The following CDH2 variants were observed in gnomAD, a reference collection of about 807,000 sequenced individuals.
CDH2 encodes cadherin-2.
CDH2 carries 17 observed loss-of-function variants against 92.0 expected under a neutral mutation model. That is an observed-to-expected ratio of 0.18 (90% confidence interval 0.13 to 0.28). The LOEUF (loss-of-function observed/expected upper bound fraction) is 0.28. CDH2 is among the 10% of genes least tolerant of loss of function. CDH2 has a pLI of 1.00. For missense variants in CDH2, 862 were observed against 1,133.1 expected, an observed-to-expected ratio of 0.76 and a Z score of 3.44; for synonymous variants, 419 against 415.9, an observed-to-expected ratio of 1.01 and a Z score of -0.09.
chr18:28,043,890 A>ATTTTTTTTT lies in CDH2; in HGVS notation c.173-29990_173-29982dup, dbSNP rs67532914. On this transcript the variant is annotated intron_variant, in intron 2 of 15. Coordinates refer to ENST00000269141, the MANE Select transcript of CDH2 (RefSeq NM_001792.5). The stretch of plus-strand genomic sequence containing the variant: ...AGTCTCATCTTTCTCAGAATCTCGG[A>ATTTTTTTTT]TTTTTTTTTTTTTTTTTTTTTTTTT... Among the ~76,000 whole-genome samples the ATTTTTTTTT allele has an allele frequency of 2.5e-3, 225 of 91,448 alleles. 23 individuals carry two copies. The highest frequency in any genetic ancestry group is 4.2e-3 in the Non-Finnish European group (195 of 45,996). 60.0% of individuals were successfully genotyped at this position (91,448 alleles called of 152,430 possible).
rs914953945 is a variant in CDH2 at position 28,177,081 on chromosome 18, C to CGGA, written c.-62_-60dup. 289 of 1,052,740 alleles carry CGGA rather than the reference C, an allele frequency of 2.7e-4. No homozygotes were observed. The highest frequency in any genetic ancestry group is 2.0e-3 in the African/African-American group (115 of 57,378). The allele number at this position is 1,052,740 out of a possible 1,614,324, so 65.2% of individuals were successfully genotyped here. A position where few individuals can be genotyped will look rare whatever the true frequency, so the allele number is the denominator to read the frequency against. The stretch of plus-strand genomic sequence containing the variant: ...GAGGCGGCGGCGGCGGCGGCGGCGG[C>CGGA]GGAGGAGGAGGAGGCAGCGGCAGCA... On this transcript the variant is annotated 5_prime_UTR_variant, in exon 1 of 16. Transcript: ENST00000269141.
intron 7 of CDH2, among the ~76,000 whole-genome samples, chr18:27,999,334 G>A (rs2012687793): frequency 1.3e-5 from 2 of 152,060 alleles, no homozygotes; most frequent in Admixed American, 1.3e-4. Context: ...ATCCTATAGG[G>A]CATGGAGAGC....
chr18:28,103,884 C>T (rs2015277968), intron 2 of CDH2, among the ~76,000 whole-genome samples: 1 of 151,950 alleles, frequency 6.6e-6, no homozygotes, highest in Admixed American at 6.6e-5. Context: ...TATTTATATA[C>T]ACATAAAAAA....
At chr18:28,160,375 G>A (rs2016289196) in intron 1 of CDH2, among the ~76,000 whole-genome samples, 3 of 152,130 alleles carry the variant, frequency 2.0e-5, no homozygotes. Context: ...TGAACGTGCT[G>A]AGGGGCATAA....
chr18:28,103,063 T>G (rs2015252911), intron 2 of CDH2, among the ~76,000 whole-genome samples: 1 of 150,920 alleles, frequency 6.6e-6, no homozygotes, highest in South Asian at 2.1e-4. Context: ...CAGAGTAGGC[T>G]GATACTCAGT....
At chr18:28,135,048 C>T (rs377305589) in intron 2 of CDH2, among the ~76,000 whole-genome samples, 4 of 152,130 alleles carry the variant, frequency 2.6e-5, no homozygotes, top group Admixed American at 6.5e-5. Flanking sequence ...CGTACAGATA[C>T]GTATTCATCT....
In CDH2 at chr18:28,080,000, T is replaced by C. The variant is rs1019071716; in HGVS notation, c.173-66091A>G. On this transcript the variant is annotated intron_variant, in intron 2 of 15. Transcript: ENST00000269141. Reference sequence around the variant, plus strand: ...TGAATTGAAATTCTCCAGAACAGCATTACTAGAGTATGATCCAGAGACCCT... The same window carrying C: ...TGAATTGAAATTCTCCAGAACAGCACTACTAGAGTATGATCCAGAGACCCT... 2.6e-5 allele frequency among the ~76,000 whole-genome samples: 4 copies of C among 152,148 alleles called. No individual in the cohort carries two copies. The East Asian group carries it at 7.7e-4, about 29-fold the overall frequency.
chr18:28,016,930 C>T (rs490820), intron 2 of CDH2, among the ~76,000 whole-genome samples: 35,184 of 152,036 alleles, frequency 0.23, 4,313 homozygotes, highest in South Asian at 0.36. Context: ...CATTTATTGA[C>T]TTGCAGATGT....
At chr18:28,089,495 G>A (rs948940741) in intron 2 of CDH2, among the ~76,000 whole-genome samples, 2 of 151,926 alleles carry the variant, frequency 1.3e-5, no homozygotes, top group African/African-American at 2.4e-5. Flanking sequence ...ATACATACGG[G>A]TTATCTAGTT....
At chr18:28,080,883 A>G (rs1258254333) in intron 2 of CDH2, among the ~76,000 whole-genome samples, 22 of 152,192 alleles carry the variant, frequency 1.4e-4, no homozygotes, top group Admixed American at 1.4e-3. Context: ...TGATATACAG[A>G]TTTCCTATAA....
chr18:27,973,152 T>C lies in CDH2; in HGVS notation c.2350-9631A>G, dbSNP rs532515225. ...TCTCAGGCACTTGGACTTGGCGGAA[T>C]GTGCTTTCTGTGTCACCAAGACTCT... On this transcript the variant is annotated intron_variant, in intron 14 of 15. Coordinates refer to ENST00000269141, the MANE Select transcript of CDH2 (RefSeq NM_001792.5). Among the ~76,000 whole-genome samples the C allele has an allele frequency of 2.0e-5, 3 of 152,276 alleles. No individual in the cohort carries two copies. In the East Asian group the frequency reaches 5.8e-4, roughly 29 times the overall value.
At chr18:28,115,264 G>A (rs2015477851) in intron 2 of CDH2, among the ~76,000 whole-genome samples, 1 of 152,136 alleles carries the variant, frequency 6.6e-6, no homozygotes, top group Admixed American at 6.6e-5. Flanking sequence ...ACAGGGGATT[G>A]CCCATAGCAA....
intron 5 of CDH2, among the ~76,000 whole-genome samples, chr18:28,007,564 T>C (rs971857606): frequency 1.3e-5 from 2 of 152,174 alleles, no homozygotes; most frequent in African/African-American, 4.8e-5. Flanking sequence ...TCAATACCTA[T>C]AGAGATAATT....
intron 2 of CDH2, chr18:28,045,505 G>A (rs1288692923): frequency 8.9e-6 from 4 of 451,858 alleles, no homozygotes; most frequent in African/African-American, 6.1e-5. Flanking sequence ...CATTTCCATT[G>A]TATTCAATTG....
intron 2 of CDH2, among the ~76,000 whole-genome samples, chr18:28,132,685 A>G (rs978945422): frequency 3.9e-5 from 6 of 152,200 alleles, no homozygotes; most frequent in African/African-American, 1.4e-4. Flanking sequence ...AGCAGGGAGC[A>G]GATACCCAAA....
At chr18:28,123,900 T>A (rs1024350427) in intron 2 of CDH2, among the ~76,000 whole-genome samples, 1 of 152,078 alleles carries the variant, frequency 6.6e-6, no homozygotes, top group Non-Finnish European at 1.5e-5. Context: ...TGAACATGAT[T>A]AAAATAATAG....
rs141324061 is a variant in CDH2, at chr18:28,154,591, T to C, written c.61-6807A>G. ...TGCACTCGCAGGGACATTGTTTTTG[T>C]TCTTGTTCAAATTTTTCCACGGTCT... is the stretch of plus-strand genomic sequence containing the variant. On this transcript the variant is annotated intron_variant, in intron 1 of 15. Coordinates refer to ENST00000269141, the MANE Select transcript of CDH2 (RefSeq NM_001792.5). Among the ~76,000 whole-genome samples the C allele has an allele frequency of 2.0e-5, 3 of 152,344 alleles. No individual in the cohort carries two copies. In the East Asian group the frequency reaches 5.8e-4, roughly 29 times the overall value.
chr18:27,999,878 C>T (rs1567957471), intron 7 of CDH2, among the ~76,000 whole-genome samples: 1 of 151,816 alleles, frequency 6.6e-6, no homozygotes, highest in Non-Finnish European at 1.5e-5. Flanking sequence ...GCAGTTTCCC[C>T]CATACTGTTC....
At chr18:28,046,738 G>C (rs937465379) in intron 2 of CDH2, among the ~76,000 whole-genome samples, 3 of 151,948 alleles carry the variant, frequency 2.0e-5, no homozygotes, top group African/African-American at 7.3e-5. Flanking sequence ...TAGACATTTA[G>C]ATGTGCTACT....
Sources: allele counts gnomAD v4.1 joint callset (sites outside exome capture counted in the v4.1 genomes callset), GRCh38; gene constraint gnomAD v4.1.1; transcripts MANE v1.5; gene names NCBI Gene and HGNC (gene_info 2026-07-23, HGNC 2026-07-21).